C19orf38: variants seen among roughly 807,000 people sequenced by gnomAD.
The protein encoded by C19orf38 is chromosome 19 open reading frame 38.
Under a neutral mutation model 26.6 loss-of-function variants are expected in C19orf38, and 14 were observed. The ratio of observed to expected loss-of-function variants is 0.53; its 90% CI spans 0.35 to 0.82. C19orf38 has a LOEUF of 0.82. Ranked by LOEUF, C19orf38 falls within the 40% of genes least tolerant of loss-of-function variation. C19orf38 has a pLI of 0.01. For synonymous variants in C19orf38, 132 were observed against 128.5 expected (o/e 1.03, Z -0.18); for missense variants, 261 against 299.5 (o/e 0.87, Z 0.95).
intron 2 of C19orf38, among the ~76,000 whole-genome samples, chr19:10,854,644 A>C (rs2073606387): frequency 6.6e-6 from 1 of 152,072 alleles, no homozygotes; most frequent in Admixed American, 6.6e-5. Context: ...CCTTGGGGTC[A>C]GGGCATCTCC....
chr19:10,869,387 CCT>C lies in C19orf38; in HGVS notation c.*23_*24del, dbSNP rs779196018. 2.9e-3 allele frequency: 4,477 copies of C among 1,535,220 alleles called. 40 individuals carry two copies. Among genetic ancestry groups the C allele is most frequent in the Non-Finnish European group, 2.4e-3 (2,728 of 1,140,042 alleles). ...CAGTGAGGCTGAGGACTGGGGGACC[CCT>C]CTGTCTCCAGGCATTCGGGGGCCTG... On this transcript the variant is annotated 3_prime_UTR_variant, in exon 7 of 7. Transcript: ENST00000397820.
At chr19:10,848,587 C>G (rs1279175488) in intron 1 of C19orf38, 48 bp downstream of exon 1, 3 of 1,319,428 alleles carry the variant, frequency 2.3e-6, no homozygotes, top group Admixed American at 4.5e-5. Context: ...TTCCCCCCAT[C>G]CTCTGTCCAC....
intron 1 of C19orf38, among the ~76,000 whole-genome samples, chr19:10,838,782 T>C (rs1346222790): frequency 1.3e-5 from 2 of 152,134 alleles, no homozygotes; most frequent in African/African-American, 4.8e-5. Context: ...CTGATTTACA[T>C]AGGGGATGAA....
intron 5 of C19orf38, among the ~76,000 whole-genome samples, chr19:10,861,364 G>T (rs1160738482): frequency 1.3e-5 from 2 of 152,160 alleles, no homozygotes; most frequent in Non-Finnish European, 2.9e-5. Flanking sequence ...TCTCTTGAAG[G>T]CACCCCAAGC....
At chr19:10,860,559 A>AAAAT (rs71164126) in intron 5 of C19orf38, among the ~76,000 whole-genome samples, 1 of 138,328 alleles carries the variant, frequency 7.2e-6, no homozygotes, top group African/African-American at 2.7e-5. Flanking sequence ...AAAAAAAAAA[A>AAAAT]GGCCAGGCGT....
intron 3 of C19orf38, among the ~76,000 whole-genome samples, chr19:10,856,928 C>T (rs1264080191): frequency 1.3e-5 from 2 of 152,092 alleles, no homozygotes; most frequent in Non-Finnish European, 2.9e-5. Context: ...TCCCAAGTAG[C>T]TGGGACCACA....
In C19orf38 at chr19:10,850,236, C is replaced by T. The variant is rs1326030376; in HGVS notation, c.32-23C>T. On this transcript the variant is annotated intron_variant, in intron 1 of 6. Transcript: ENST00000397820. ...GCCTCCACTCTCACCACGCACCCAC[C>T]CACCTTACCCTCTGCATTGCAGGCT... is the stretch of plus-strand genomic sequence containing the variant. 2.0e-6 allele frequency: 3 copies of T among 1,530,618 alleles called. No individual in the cohort carries two copies. The African/African-American group carries it at 4.1e-5, about 21-fold the overall frequency. 94.8% of individuals were successfully genotyped at this position (1,530,618 alleles called of 1,614,324 possible). A position where few individuals can be genotyped will look rare whatever the true frequency, so the allele number is the denominator to read the frequency against.
At chr19:10,849,502 G>GTA (rs2073547333) in intron 1 of C19orf38, among the ~76,000 whole-genome samples, 2 of 152,110 alleles carry the variant, frequency 1.3e-5, no homozygotes. Flanking sequence ...GCAACATAGT[G>GTA]AGATCCCATC....
At chr19:10,858,295 C>G (rs762137592) in intron 3 of C19orf38, 21 bp from the exon 4 acceptor site, 8 of 1,479,430 alleles carry the variant, frequency 5.4e-6, no homozygotes, top group African/African-American at 2.8e-5. Context: ...CTAACACATG[C>G]TCATTTCTTT....
chr19:10,837,770 G>A (rs2073447320), intron 1 of C19orf38, among the ~76,000 whole-genome samples: 1 of 151,374 alleles, frequency 6.6e-6, no homozygotes, highest in Non-Finnish European at 1.5e-5. Context: ...GCCTCCCAAA[G>A]TGCTGGGATT....
chr19:10,845,515 T>C (rs1353128569), upstream of C19orf38, among the ~76,000 whole-genome samples: 4 of 152,100 alleles, frequency 2.6e-5, no homozygotes, highest in African/African-American at 9.7e-5. Flanking sequence ...ACGCTCAATA[T>C]ATGAAAATGT....
chr19:10,857,265 T>C (rs1488003262), intron 3 of C19orf38, among the ~76,000 whole-genome samples: 11 of 148,242 alleles, frequency 7.4e-5, no homozygotes, highest in African/African-American at 2.7e-4. Context: ...TGTGTGTGTA[T>C]GTGTGTGGGT....
intron 4 of C19orf38, among the ~76,000 whole-genome samples, chr19:10,859,125 C>T (rs917213482): frequency 1.3e-5 from 2 of 148,698 alleles, no homozygotes; most frequent in East Asian, 2.0e-4. Context: ...TTAGTAGAGA[C>T]GGGATTTCTC....
intron 6 of C19orf38, among the ~76,000 whole-genome samples, chr19:10,865,742 A>G (rs2073745197): frequency 6.6e-6 from 1 of 152,162 alleles, no homozygotes; most frequent in Non-Finnish European, 1.5e-5. Flanking sequence ...CTGCAGACAT[A>G]CAGGTAACCA....
intron 2 of C19orf38, among the ~76,000 whole-genome samples, chr19:10,851,410 A>G (rs1267648657): frequency 2.0e-5 from 3 of 150,064 alleles, no homozygotes; most frequent in East Asian, 2.0e-4. Context: ...GCACAATCAT[A>G]GCTCACTTCA....
At chr19:10,864,950 G>A (rs1380221521) in intron 6 of C19orf38, among the ~76,000 whole-genome samples, 1 of 152,132 alleles carries the variant, frequency 6.6e-6, no homozygotes, top group Admixed American at 6.6e-5. Context: ...AGGAGTGCCT[G>A]GGATACAGAT....
At chr19:10,844,220 C>A (rs1023499715), upstream of C19orf38, among the ~76,000 whole-genome samples, 1 of 149,552 alleles carries the variant, frequency 6.7e-6, no homozygotes, top group African/African-American at 2.5e-5. Context: ...GCCTGACCAA[C>A]ATGGTGAAAC....
rs953156656 is a variant in C19orf38 at position 10,867,641 on chromosome 19, C to CTTTTT, written c.544-1552_544-1548dup. 3.9e-4 allele frequency among the ~76,000 whole-genome samples: 23 copies of CTTTTT among 58,826 alleles called. 1 individual carries two copies. The highest frequency in any genetic ancestry group is 5.7e-4 in the Non-Finnish European group (18 of 31,480). 38.6% of individuals were successfully genotyped at this position (58,826 alleles called of 152,430 possible). A position where few individuals can be genotyped will look rare whatever the true frequency, so the allele number is the denominator to read the frequency against. On this transcript the variant is annotated intron_variant, in intron 6 of 6. Coordinates refer to ENST00000397820, the MANE Select transcript of C19orf38 (RefSeq NM_001136482.3). ...TCAGAAAAAAAAAAGGAAGAACATT[C>CTTTTT]TTTTTTTTTTTTTTTTTTTTTTTTT...
At chr19:10,866,603 A>G (rs1258629207) in intron 6 of C19orf38, among the ~76,000 whole-genome samples, 4 of 151,288 alleles carry the variant, frequency 2.6e-5, no homozygotes, top group Admixed American at 2.6e-4. Flanking sequence ...CTCATGTCTC[A>G]GCTTCCCGAG....
Sources: gnomAD v4.1 joint callset for allele counts (sites outside exome capture counted in the v4.1 genomes callset) on GRCh38, gnomAD v4.1.1 for gene constraint, MANE v1.5 for transcripts, NCBI Gene and HGNC (gene_info 2026-07-23, HGNC 2026-07-21) for gene names.